Variants in MLXIPL observed in about 807,000 individuals in gnomAD.
MLXIPL encodes MLX interacting protein like.
In MLXIPL, 49 loss-of-function variants were observed where a neutral mutation model predicts 81.5. That is an observed-to-expected ratio of 0.60 (90% CI 0.48 to 0.76). The LOEUF (loss-of-function observed/expected upper bound fraction) is 0.76. Among genes scored for constraint, MLXIPL ranks in the 30% least tolerant of loss-of-function variants. The pLI is 0.00. For synonymous variants in MLXIPL, 466 were observed against 485.5 expected, an observed-to-expected ratio of 0.96 and a Z score of 0.53; for missense variants, 1,053 against 1,167.0, an observed-to-expected ratio of 0.90 and a Z score of 1.42.
rs1794208088 is a variant in MLXIPL, at chr7:73,595,563, C to T, written c.2310+74G>A. ...TGCCCGGCCTGGAGAGCTAGGCCTC[C>T]ATCCCAGGCCCAGCCTGGTCTCACC... On this transcript the variant is annotated intron_variant, in intron 15 of 16. Transcript: ENST00000313375. 26 of 1,613,030 alleles carry T rather than the reference C, an allele frequency of 1.6e-5. 1 individual carries two copies. In the South Asian group the frequency reaches 2.9e-4, roughly 18 times the overall value.
intron 15 of MLXIPL, among the ~76,000 whole-genome samples, chr7:73,594,969 C>T (rs1189767228): frequency 2.0e-5 from 3 of 151,978 alleles, no homozygotes; most frequent in Admixed American, 6.6e-5. Context: ...CCTCAGCCTC[C>T]CGAGTAGTTG....
At chr7:73,614,429 C>T (rs7782054) in intron 2 of MLXIPL, among the ~76,000 whole-genome samples, 7,000 of 152,210 alleles carry the variant, frequency 0.046, 594 homozygotes, top group African/African-American at 0.16. Context: ...TAAGGTGATT[C>T]ACGAAAGTGC....
At chr7:73,606,845 AACATCCC>A (rs1297778930) in intron 5 of MLXIPL, 122 bp downstream of exon 5, 2 of 1,020,056 alleles carry the variant, frequency 2.0e-6, no homozygotes, top group African/African-American at 3.2e-5. Flanking sequence ...GGATGGCAGT[AACATCCC>A]ACATTCCACC....
the MLXIPL span, among the ~76,000 whole-genome samples, chr7:73,643,335 A>C: frequency 6.6e-6 from 1 of 152,172 alleles, no homozygotes; most frequent in Admixed American, 6.6e-5. Context: ...TAACACAGTG[A>C]AACCCCGTCT....
At chr7:73,629,464 G>A (rs753472573), upstream of MLXIPL, among the ~76,000 whole-genome samples, 72 of 152,310 alleles carry the variant, frequency 4.7e-4, no homozygotes, top group Non-Finnish European at 7.4e-4. Flanking sequence ...GCTGGGCGTG[G>A]TGGCTCATGC....
At chr7:73,629,846 G>C in the MLXIPL span, among the ~76,000 whole-genome samples, 5 of 152,176 alleles carry the variant, frequency 3.3e-5, no homozygotes, top group African/African-American at 1.2e-4. Context: ...CTGAGACTCT[G>C]AGAGGTGAAA....
rs186938234 is a variant in MLXIPL, at chr7:73,594,331, G to A, written c.2383C>T (p.Arg795Cys). ...MVSTASVHTL[R>C]QTSLAWLDQY... ...TCCAGCCAGGCCAGTGAGGTCTGGC[G>A]GAGGGTGTGCACACTTGCCGTGGAC... The change falls in exon 16 of 17, where the codon CGC becomes TGC. Residue 795 changes from arginine (R) to cysteine (C), a missense_variant. Arg to Cys is a radical substitution (Grantham distance 180). Around this residue, in one of 3 missense-constraint regions of MLXIPL, gnomAD observed 823 missense variants for 933.0 expected, o/e 0.88. Coordinates refer to ENST00000313375, the MANE Select transcript of MLXIPL (RefSeq NM_032951.3). 1.6e-5 allele frequency: 25 copies of A among 1,611,268 alleles called. No individual in the cohort carries two copies. Among genetic ancestry groups the A allele is most frequent in the African/African-American group, 1.2e-4 (9 of 75,026 alleles).
At position 73,597,190 on chromosome 7, in the gene MLXIPL, A is replaced by G. The variant is rs1554594483; in HGVS notation, c.1595T>C (p.Leu532Pro). ...GSNNPCLTQL[L>P]TAAKPEQALE... The stretch of plus-strand genomic sequence containing the variant: ...CCGTTGCTGGCCCTCACCTGCTGTG[A>G]GCAGCTGTGTGAGGCAGGGGTTGTT... The change falls in exon 9 of 17, where the codon CTC becomes CCC. Residue 532 changes from leucine (L) to proline (P), a missense_variant. Physicochemically the swap from Leu to Pro is moderately conservative, Grantham distance 98 (BLOSUM62 -3). Coordinates refer to ENST00000313375, the MANE Select transcript of MLXIPL (RefSeq NM_032951.3). The G allele has an allele frequency of 2.5e-6, 4 of 1,601,986 alleles. No homozygotes were observed. The Admixed American group carries it at 6.8e-5, about 27-fold the overall frequency.
chr7:73,620,641 G>C (rs1385072213), intron 1 of MLXIPL, among the ~76,000 whole-genome samples: 2 of 151,508 alleles, frequency 1.3e-5, no homozygotes, highest in Non-Finnish European at 2.9e-5. Context: ...TACTCAGGAG[G>C]CTGAGGCAGA....
chr7:73,640,360 G>T, the MLXIPL span, among the ~76,000 whole-genome samples: 1 of 146,110 alleles, frequency 6.8e-6, no homozygotes, highest in Non-Finnish European at 1.5e-5. Flanking sequence ...AGCCAAATTT[G>T]CATCACTACA....
chr7:73,602,608 A>G (rs1255155043), intron 7 of MLXIPL, among the ~76,000 whole-genome samples: 2 of 151,836 alleles, frequency 1.3e-5, no homozygotes, highest in African/African-American at 4.8e-5. Context: ...TGAACCCGGG[A>G]GGTGGGGGTT....
the MLXIPL span, among the ~76,000 whole-genome samples, chr7:73,640,394 C>A: frequency 6.8e-6 from 1 of 147,030 alleles, no homozygotes; most frequent in Non-Finnish European, 1.5e-5. Context: ...AGAGCAAGAC[C>A]CTGTCTCCAA....
chr7:73,628,778 G>C (rs115778416), upstream of MLXIPL, among the ~76,000 whole-genome samples: 1,003 of 152,354 alleles, frequency 6.6e-3, 12 homozygotes, highest in African/African-American at 0.023. Flanking sequence ...ATAGCCAGCA[G>C]TTTACAGCCT....
intron 4 of MLXIPL, 156 bp downstream of exon 4, chr7:73,607,175 C>A: frequency 7.9e-7 from 1 of 1,260,064 alleles, no homozygotes; most frequent in South Asian, 1.3e-5. Context: ...GACGCTGTGG[C>A]CACACGGTGG....
At chr7:73,640,472 G>A in the MLXIPL span, among the ~76,000 whole-genome samples, 2 of 148,576 alleles carry the variant, frequency 1.3e-5, no homozygotes, top group Non-Finnish European at 3.0e-5. Context: ...AAAATAAGAA[G>A]AGGCAGTAGA....
chr7:73,595,699 T>G lies in MLXIPL; in HGVS notation c.2248A>C (p.Met750Leu). Residue 750 changes from methionine (M) to leucine (L), a missense_variant, in exon 15 of 17, where the codon ATG (methionine) becomes CTG (leucine). Physicochemically the swap from Met to Leu is conservative, Grantham distance 15. Around this residue, in one of 3 missense-constraint regions of MLXIPL, gnomAD observed 823 missense variants for 933.0 expected, o/e 0.88. Transcript: ENST00000313375. Reference sequence around the variant, plus strand: ...ACGTAGTCATCAAACATGTCTCGCATCTGGTCAAAACGCTGGTGTGTGATG... The same window carrying G: ...ACGTAGTCATCAAACATGTCTCGCAGCTGGTCAAAACGCTGGTGTGTGATG... ...VPITHQRFDQ[M>L]RDMFDDYVRT... 2 of 1,614,048 alleles carry G rather than the reference T, an allele frequency of 1.2e-6. No individual in the cohort carries two copies. Among genetic ancestry groups the G allele is most frequent in the Non-Finnish European group, 1.7e-6 (2 of 1,179,944 alleles).
Position 73,614,065 on chromosome 7 carries a change from G to A in MLXIPL, c.400+2006C>T, listed in dbSNP as rs115676910. ...GATAAGGGAAGTAAACAAACAACAC[G>A]AGACAATACAAAGTGGAAAGTTCTT... On this transcript the variant is annotated intron_variant, in intron 2 of 16. Transcript: ENST00000313375. Among the ~76,000 whole-genome samples the A allele has an allele frequency of 2.0e-3, 304 of 152,194 alleles. 1 individual carries two copies. Among genetic ancestry groups the A allele is most frequent in the African/African-American group, 7.0e-3 (292 of 41,526 alleles).
At chr7:73,626,801 G>A (rs1796762731), upstream of MLXIPL, among the ~76,000 whole-genome samples, 1 of 152,170 alleles carries the variant, frequency 6.6e-6, no homozygotes. Context: ...GCTAAGCTCT[G>A]CTGGCTTTCT....
chr7:73,595,126 G>A (rs782508902), intron 15 of MLXIPL, among the ~76,000 whole-genome samples: 9 of 152,128 alleles, frequency 5.9e-5, no homozygotes, highest in Non-Finnish European at 1.0e-4. Context: ...GATGACAGGC[G>A]TGAGCCACCG....
Sources: gnomAD v4.1 joint callset for allele counts (sites outside exome capture counted in the v4.1 genomes callset) on GRCh38, gnomAD v4.1.1 for gene constraint, gnomAD v4.1.1 regional missense constraint, MANE v1.5 for transcripts, NCBI Gene and HGNC (gene_info 2026-07-23, HGNC 2026-07-21) for gene names.